FLYWCH1: variants seen among roughly 807,000 people sequenced by gnomAD.
FLYWCH1 encodes FLYWCH-type zinc finger-containing protein 1.
Under a neutral mutation model 66.4 loss-of-function variants are expected in FLYWCH1, and 75 were observed. The observed-to-expected ratio is 1.13, with a 90% CI of 0.94 to 1.37. The LOEUF (loss-of-function observed/expected upper bound fraction) is 1.37. Ranked by LOEUF, FLYWCH1 falls within the 40% of genes most tolerant of loss-of-function variation. FLYWCH1 has a pLI of 0.00. For synonymous variants in FLYWCH1, 595 were observed against 429.9 expected, an observed-to-expected ratio of 1.38 and a Z score of -4.75; for missense variants, 1,334 against 1,001.8, an observed-to-expected ratio of 1.33 and a Z score of -4.48.
Position 2,937,250 on chromosome 16 carries a change from G to A in FLYWCH1, c.1643G>A (p.Cys548Tyr). 1 of 1,605,952 alleles carries A rather than the reference G, an allele frequency of 6.2e-7. No homozygotes were observed. Among genetic ancestry groups the A allele is most frequent in the Non-Finnish European group, 8.5e-7 (1 of 1,177,632 alleles). Residue 548 changes from cysteine (C) to tyrosine (Y), a missense_variant, in exon 7 of 10, where the codon TGC (cysteine) becomes TAC (tyrosine). Physicochemically the swap from Cys to Tyr is radical, Grantham distance 194. Coordinates refer to ENST00000253928, the MANE Select transcript of FLYWCH1 (RefSeq NM_001308068.2). Reference protein sequence around the residue: ...WTCRDQARMGCRSRAITQGRR... With the variant: ...WTCRDQARMGYRSRAITQGRR... ...TGCCGGGACCAGGCCCGCATGGGCT[G>A]CCGCAGCCGCGCCATCACCCAGGGC...
At chr16:2,922,510 C>G (rs1226671842) in intron 2 of FLYWCH1, 2 of 235,046 alleles carry the variant, frequency 8.5e-6, no homozygotes, top group Non-Finnish European at 1.7e-5. Context: ...ATTCTACTTT[C>G]TGTCCCCATA....
Position 2,933,115 on chromosome 16 carries a change from G to C in FLYWCH1, c.797-15G>C. On this transcript the variant is annotated splice_polypyrimidine_tract_variant and intron_variant, in intron 4 of 9. Coordinates refer to ENST00000253928, the MANE Select transcript of FLYWCH1 (RefSeq NM_001308068.2). Reference sequence around the variant, plus strand: ...TCCACCCCTGGTGATGTGACCACTTGGGTCTCTCCTCTAGGACAGGCCCGG... The same window carrying C: ...TCCACCCCTGGTGATGTGACCACTTCGGTCTCTCCTCTAGGACAGGCCCGG... 2 of 1,606,390 alleles carry C rather than the reference G, an allele frequency of 1.2e-6. No homozygotes were observed. The highest frequency in any genetic ancestry group is 1.3e-5 in the African/African-American group (1 of 74,906).
chr16:2,931,702 A>T (rs2070766387), intron 4 of FLYWCH1, among the ~76,000 whole-genome samples: 1 of 151,370 alleles, frequency 6.6e-6, no homozygotes, highest in South Asian at 2.1e-4. Flanking sequence ...TGCTGCAGTG[A>T]TTCATGCCTG....
At chr16:2,922,783 G>A (rs1175082960) in intron 2 of FLYWCH1, 1 of 521,442 alleles carries the variant, frequency 1.9e-6, no homozygotes, top group African/African-American at 1.9e-5. Flanking sequence ...ACCTCACAGA[G>A]TTCTTCACAG....
rs1220427017 is a variant in FLYWCH1 at position 2,948,673 on chromosome 16, T to A, written c.2112-15T>A. 5 of 1,612,922 alleles carry A rather than the reference T, an allele frequency of 3.1e-6. No homozygotes were observed. Among genetic ancestry groups the A allele is most frequent in the Non-Finnish European group, 8.5e-7 (1 of 1,179,102 alleles). On this transcript the variant is annotated splice_polypyrimidine_tract_variant and intron_variant, in intron 9 of 9. Transcript: ENST00000253928. ...TTTTGATGTGTGCAATGAACATGTG[T>A]CTCTTTGTAATTAGGGACATCAAAG...
At chr16:2,923,815 A>G (rs1465169306) in intron 2 of FLYWCH1, among the ~76,000 whole-genome samples, 2 of 152,104 alleles carry the variant, frequency 1.3e-5, no homozygotes, top group Non-Finnish European at 2.9e-5. Flanking sequence ...AGGCGGGTGG[A>G]TCACTTGAGG....
chr16:2,918,668 C>T (rs1306971282), intron 2 of FLYWCH1, among the ~76,000 whole-genome samples: 7 of 151,204 alleles, frequency 4.6e-5, no homozygotes, highest in African/African-American at 1.2e-4. Context: ...CTCAAACTCC[C>T]GACCTCAGGT....
chr16:2,912,499 C>A (rs545303365), intron 1 of FLYWCH1, among the ~76,000 whole-genome samples: 1 of 152,250 alleles, frequency 6.6e-6, no homozygotes, highest in South Asian at 2.1e-4. Flanking sequence ...AGTGACCTTG[C>A]ACTTTTGCGG....
intron 7 of FLYWCH1, 79 bp downstream of exon 7, chr16:2,937,463 T>C (rs1226378830): frequency 7.0e-7 from 1 of 1,419,576 alleles, no homozygotes; most frequent in African/African-American, 1.8e-5. Flanking sequence ...AGGCTGCCCG[T>C]GGGGTGTTGT....
rs748807104 is a variant in FLYWCH1, at chr16:2,933,727, T to A, written c.1261T>A (p.Phe421Ile). Residue 421 changes from phenylalanine to isoleucine, a missense_variant, in exon 6 of 10, where the codon TTC becomes ATC. By Grantham distance (21) the Phe-to-Ile change is conservative (BLOSUM62 0). Coordinates refer to ENST00000253928, the MANE Select transcript of FLYWCH1 (RefSeq NM_001308068.2). ...DMDADPGGPE[F>I]LKTPLGGSFL... ...TTGAACCTCCCCAGGAGGCCCTGAG[T>A]TCCTGAAGACGCCCCTGGGGGGCAG... 1.9e-6 allele frequency: 3 copies of A among 1,612,552 alleles called. No individual in the cohort carries two copies. The South Asian group carries it at 3.3e-5, about 18-fold the overall frequency.
intron 1 of FLYWCH1, among the ~76,000 whole-genome samples, chr16:2,912,449 A>G (rs1026931257): frequency 6.7e-6 from 1 of 148,768 alleles, no homozygotes; most frequent in Non-Finnish European, 1.5e-5. Flanking sequence ...CTGGACCCGC[A>G]GCATCAGCCC....
chr16:2,936,282 GCCTGGCGTCCCCA>G (rs1345924034), intron 6 of FLYWCH1: 1 of 399,222 alleles, frequency 2.5e-6, no homozygotes, highest in Non-Finnish European at 5.0e-6. Flanking sequence ...CCCTCCCGTG[GCCTGGCGTCCCCA>G]CCTTCGTCCT....
rs1567338032 is a variant in FLYWCH1, at chr16:2,933,592, C to T, written c.1249+10C>T. On this transcript the variant is annotated intron_variant, in intron 5 of 9. Transcript: ENST00000253928. ...ATGGACGCAGACCCGGGTGAGCTGC[C>T]TTCCTTTGGGGCTCACCGGCCCTGC... The T allele has an allele frequency of 1.3e-6, 2 of 1,578,494 alleles. No homozygotes were observed. Among genetic ancestry groups the T allele is most frequent in the African/African-American group, 2.7e-5 (2 of 73,858 alleles).
intron 4 of FLYWCH1, among the ~76,000 whole-genome samples, chr16:2,931,227 C>A (rs1021344259): frequency 2.0e-5 from 3 of 150,014 alleles, no homozygotes; most frequent in Non-Finnish European, 3.0e-5. Flanking sequence ...CGCTTGAACC[C>A]AGGAGGCAGA....
chr16:2,941,778 A>T, intron 9 of FLYWCH1, among the ~76,000 whole-genome samples: 1 of 151,948 alleles, frequency 6.6e-6, no homozygotes, highest in Non-Finnish European at 1.5e-5. Context: ...ATCCCAGCAC[A>T]CTGGGAGACC....
chr16:2,941,963 C>T (rs2071279337), intron 9 of FLYWCH1, among the ~76,000 whole-genome samples: 1 of 125,998 alleles, frequency 7.9e-6, no homozygotes. Context: ...CGCCACTGCA[C>T]TCCAGCCTGG....
intron 2 of FLYWCH1, among the ~76,000 whole-genome samples, chr16:2,915,814 A>AAG (rs1555480772): frequency 6.7e-6 from 1 of 149,604 alleles, no homozygotes; most frequent in African/African-American, 2.6e-5. Flanking sequence ...AAAAAAAAAA[A>AAG]AGAGAGAATC....
intron 2 of FLYWCH1, among the ~76,000 whole-genome samples, chr16:2,923,971 AG>A (rs1231657027): frequency 6.6e-6 from 1 of 152,094 alleles, no homozygotes; most frequent in Non-Finnish European, 1.5e-5. Context: ...CAGGAGGTGG[AG>A]GTTGCATTGA....
At chr16:2,946,316 C>CTTTTTTTTTTT in intron 9 of FLYWCH1, among the ~76,000 whole-genome samples, 1 of 75,532 alleles carries the variant, frequency 1.3e-5, no homozygotes. Flanking sequence ...GTGGGCTGTA[C>CTTTTTTTTTTT]TTTTTTTTTT....
Sources: gnomAD v4.1 joint callset for allele counts (sites outside exome capture counted in the v4.1 genomes callset) on GRCh38, gnomAD v4.1.1 for gene constraint, MANE v1.5 for transcripts, NCBI Gene and HGNC (gene_info 2026-07-23, HGNC 2026-07-21) for gene names.